The following ZBTB21 variants were observed in gnomAD, a reference collection of about 807,000 sequenced individuals.
The protein encoded by ZBTB21 is zinc finger and BTB domain containing 21.
ZBTB21 carries 10 observed loss-of-function variants against 39.8 expected under a neutral mutation model. The ratio of observed to expected loss-of-function variants is 0.25; its 90% CI spans 0.16 to 0.43. The LOEUF is 0.43. Ranked by LOEUF, ZBTB21 falls within the 20% of genes least tolerant of loss-of-function variation. The probability of loss-of-function intolerance (pLI) is 1.00; values close to 1 mark genes in which losing one functional copy is unlikely to be tolerated. For missense variants in ZBTB21, 1,221 were observed against 1,296.3 expected (o/e 0.94, Z 0.89); for synonymous variants, 551 against 498.8 (o/e 1.10, Z -1.40).
chr21:41,992,037 G>A lies in ZBTB21; in HGVS notation c.2059C>T (p.Gln687Ter). The change falls in exon 3 of 3, where the codon CAG becomes TAG. Residue 687 changes from glutamine to a stop codon, truncating the protein, a stop_gained. Coordinates refer to ENST00000310826, the MANE Select transcript of ZBTB21 (RefSeq NM_001098402.2). LOFTEE classifies it high-confidence loss of function. This position sits in a 1 kb window ranked among gnomAD's most constrained non-coding sequence, Gnocchi z 4.1. Reference sequence around the variant, plus strand: ...TCTCCTGGATGCATTTTTATATGCTGCTTAAATTGAGAGAGAAAGCGGTAC... The same window carrying A: ...TCTCCTGGATGCATTTTTATATGCTACTTAAATTGAGAGAGAAAGCGGTAC... The part of the protein sequence containing the change: ...KAYRFLSQFK[Q>*]HIKMHPGEKP... The A allele has an allele frequency of 6.2e-7, 1 of 1,614,228 alleles. No individual in the cohort carries two copies. Among genetic ancestry groups the A allele is most frequent in the Non-Finnish European group, 8.5e-7 (1 of 1,180,046 alleles).
chr21:42,001,049 C>T (rs941233805), intron 2 of ZBTB21, among the ~76,000 whole-genome samples: 3 of 152,300 alleles, frequency 2.0e-5, no homozygotes, highest in South Asian at 2.1e-4. Flanking sequence ...TCAATATTTA[C>T]ATCAACCATA....
intron 2 of ZBTB21, among the ~76,000 whole-genome samples, chr21:41,994,773 G>A (rs1002082126): frequency 7.3e-5 from 11 of 151,458 alleles, no homozygotes; most frequent in Non-Finnish European, 1.6e-4. Flanking sequence ...CGGTTTGGTG[G>A]TGTCCCCACC....
intron 2 of ZBTB21, among the ~76,000 whole-genome samples, chr21:42,001,081 C>T (rs1050685706): frequency 2.6e-5 from 4 of 152,134 alleles, no homozygotes; most frequent in African/African-American, 9.7e-5. Context: ...CTATTATTAT[C>T]CCCATTTTAC....
chr21:42,001,619 G>A (rs1008858750), intron 2 of ZBTB21, among the ~76,000 whole-genome samples: 5 of 152,202 alleles, frequency 3.3e-5, no homozygotes, highest in Non-Finnish European at 5.9e-5. Context: ...GGAATGCTGG[G>A]AAGAGATAGG....
chr21:42,002,648 A>C (rs1021378584), intron 2 of ZBTB21: 1 of 152,196 alleles, frequency 6.6e-6, no homozygotes, highest in African/African-American at 2.4e-5. Context: ...GACTTACAGA[A>C]GCAGTGCATC....
At chr21:42,001,569 T>C (rs774268914) in intron 2 of ZBTB21, among the ~76,000 whole-genome samples, 72 of 152,318 alleles carry the variant, frequency 4.7e-4, no homozygotes, top group Non-Finnish European at 6.5e-4. Context: ...CCAGGTGAGA[T>C]GGAGGCCAGG....
chr21:41,992,804 G>A lies in ZBTB21; in HGVS notation c.1292C>T (p.Thr431Ile). ...ASPVTEVRIK[T>I]EPSSPLSDPS... ...GTCCGACAGCGGGCTGCTGGGCTCA[G>A]TCTTTATGCGCACCTCAGTCACAGG... The change falls in exon 3 of 3, where the codon ACT (threonine) becomes ATT (isoleucine). Residue 431 changes from threonine to isoleucine, a missense_variant. Transcript: ENST00000310826. The surrounding 1 kb of genome is among the most constrained non-coding windows in gnomAD (Gnocchi z 4.1). 1.9e-6 allele frequency: 3 copies of A among 1,614,092 alleles called. No homozygotes were observed. Among genetic ancestry groups the A allele is most frequent in the Admixed American group, 1.7e-5 (1 of 60,030 alleles).
At chr21:41,994,752 G>A (rs1367549851) in intron 2 of ZBTB21, among the ~76,000 whole-genome samples, 1 of 152,132 alleles carries the variant, frequency 6.6e-6, no homozygotes, top group African/African-American at 2.4e-5. Context: ...ATGCCACCTT[G>A]CCAGGTGATG....
rs1205186914 is a variant in ZBTB21, at chr21:41,992,667, T to A, written c.1429A>T (p.Met477Leu). Residue 477 changes from methionine (M) to leucine (L), a missense_variant, in exon 3 of 3, where the codon ATG becomes TTG. Transcript: ENST00000310826. The surrounding 1 kb of genome is among the most constrained non-coding windows in gnomAD (Gnocchi z 4.1). ...SLKTEDDQKDMSRLPAKRRFQ... is the reference protein window; with the variant it reads ...SLKTEDDQKDLSRLPAKRRFQ... Reference sequence around the variant, plus strand: ...CTCCTTTTTGCTGGGAGTCTGCTCATGTCTTTTTGGTCATCTTCTGTTTTC... The same window carrying A: ...CTCCTTTTTGCTGGGAGTCTGCTCAAGTCTTTTTGGTCATCTTCTGTTTTC... 1 of 1,614,016 alleles carries A rather than the reference T, an allele frequency of 6.2e-7. No homozygotes were observed. Among genetic ancestry groups the A allele is most frequent in the Non-Finnish European group, 8.5e-7 (1 of 1,180,020 alleles).
Position 41,990,710 on chromosome 21 carries a change from A to C in ZBTB21, c.*185T>G, listed in dbSNP as rs1227459050. The C allele has an allele frequency of 2.0e-6, 1 of 500,750 alleles. No individual in the cohort carries two copies. Among genetic ancestry groups the C allele is most frequent in the Non-Finnish European group, 3.3e-6 (1 of 307,496 alleles). The allele number at this position is 500,750 out of a possible 1,614,324, so 31.0% of individuals were successfully genotyped here. Reference sequence around the variant, plus strand: ...AGGTCCAGAACCACAATATTTTAAAAGCTGTATTTCTAAAGTTAAGGACAT... The same window carrying C: ...AGGTCCAGAACCACAATATTTTAAACGCTGTATTTCTAAAGTTAAGGACAT... On this transcript the variant is annotated 3_prime_UTR_variant, in exon 3 of 3. Transcript: ENST00000310826.
intron 1 of ZBTB21, among the ~76,000 whole-genome samples, chr21:42,006,109 T>G (rs2065875149): frequency 6.6e-6 from 1 of 152,222 alleles, no homozygotes; most frequent in South Asian, 2.1e-4. Flanking sequence ...AAATCTGGTT[T>G]CAAATGACTT....
chr21:41,995,934 A>G (rs1205127047), intron 2 of ZBTB21, among the ~76,000 whole-genome samples: 2 of 152,244 alleles, frequency 1.3e-5, no homozygotes, highest in African/African-American at 4.8e-5. Flanking sequence ...TGTGGTGTTA[A>G]GCCTGCAGGT....
rs1412228372 is a variant in ZBTB21 at position 42,010,325 on chromosome 21, T to G, written c.-152A>C. 1 of 396,612 alleles carries G rather than the reference T, an allele frequency of 2.5e-6. No homozygotes were observed. Among genetic ancestry groups the G allele is most frequent in the African/African-American group, 2.1e-5 (1 of 48,478 alleles). The allele number at this position is 396,612 out of a possible 1,614,324, so 24.6% of individuals were successfully genotyped here. A position where few individuals can be genotyped will look rare whatever the true frequency, so the allele number is the denominator to read the frequency against. ...GGCTCGCGCGCGCCGCAGCCGCCGC[T>G]GCCGCTGTGATTCCATCCATCTTGA... is the stretch of plus-strand genomic sequence containing the variant. On this transcript the variant is annotated 5_prime_UTR_variant, in exon 1 of 3. Transcript: ENST00000310826.
At chr21:41,997,468 C>T (rs561564471) in intron 2 of ZBTB21, among the ~76,000 whole-genome samples, 1 of 151,512 alleles carries the variant, frequency 6.6e-6, no homozygotes, top group South Asian at 2.1e-4. Flanking sequence ...CCCAGCTACT[C>T]AGGAGGCTGA....
In ZBTB21 at chr21:41,993,793, A is replaced by G. The variant is rs1048128989; in HGVS notation, c.303T>C (p.Ala101=). ...SLFVEKSSLA[A]VQELGYSLGI... ...CAAGACTATAGCCAAGTTCTTGCAC[A>G]GCAGCAAGGCTGCTCTTCTCAACAA... The change falls in exon 3 of 3, where the codon GCT becomes GCC. Residue 101 remains alanine, a synonymous_variant. Coordinates refer to ENST00000310826, the MANE Select transcript of ZBTB21 (RefSeq NM_001098402.2). 5.6e-6 allele frequency: 9 copies of G among 1,614,154 alleles called. No homozygotes were observed. Among genetic ancestry groups the G allele is most frequent in the Non-Finnish European group, 6.8e-6 (8 of 1,180,060 alleles).
Position 41,991,482 on chromosome 21 carries a change from T to G in ZBTB21, c.2614A>C (p.Lys872Gln). 1.2e-6 allele frequency: 2 copies of G among 1,614,168 alleles called. No individual in the cohort carries two copies. Among genetic ancestry groups the G allele is most frequent in the East Asian group, 4.5e-5 (2 of 44,876 alleles). ...TCTTTGACTTGGATTTTCAGTTGCT[T>G]GGAAAGACTAAGGTCTTCGGGAAGA... is the stretch of plus-strand genomic sequence containing the variant. ...SCLPEDLSLS[K>Q]QLKIQVKEEP... is the part of the protein sequence containing the mutation. The change falls in exon 3 of 3, where the codon AAG (lysine) becomes CAG (glutamine). Residue 872 changes from lysine to glutamine, a missense_variant. By Grantham distance (53) the Lys-to-Gln change is moderately conservative. This residue lies in a region of ZBTB21 where 523 missense variants were observed against 542.5 expected (regional missense o/e 0.96). Transcript: ENST00000310826. This position sits in a 1 kb window ranked among gnomAD's most constrained non-coding sequence, Gnocchi z 4.9.
At chr21:41,999,864 G>C (rs2065797180) in intron 2 of ZBTB21, among the ~76,000 whole-genome samples, 1 of 152,178 alleles carries the variant, frequency 6.6e-6, no homozygotes, top group African/African-American at 2.4e-5. Context: ...ACCTCCAGAA[G>C]AACTTTATTT....
chr21:41,998,704 CAG>C (rs1336672182), intron 2 of ZBTB21, among the ~76,000 whole-genome samples: 1 of 152,096 alleles, frequency 6.6e-6, no homozygotes, highest in South Asian at 2.1e-4. Flanking sequence ...AGGAAGAGCC[CAG>C]AGTCTCCTAG....
intron 2 of ZBTB21, among the ~76,000 whole-genome samples, chr21:41,996,344 T>C (rs1243783809): frequency 6.6e-6 from 1 of 152,226 alleles, no homozygotes; most frequent in African/African-American, 2.4e-5. Context: ...CCACCTCTTA[T>C]ATCAGCTTGA....
Sources: gnomAD v4.1 joint callset for allele counts (sites outside exome capture counted in the v4.1 genomes callset) on GRCh38, gnomAD v4.1.1 for gene constraint, gnomAD v4.1.1 regional missense constraint, Gnocchi (gnomAD v3.1) non-coding constraint, MANE v1.5 for transcripts, NCBI Gene and HGNC (gene_info 2026-07-23, HGNC 2026-07-21) for gene names.